Variants in CCDC7 observed in about 807,000 individuals in gnomAD.
The protein encoded by CCDC7 is coiled-coil domain-containing protein 7.
Under a neutral mutation model 196.9 loss-of-function variants are expected in CCDC7, and 183 were observed. That is an observed-to-expected ratio of 0.93 (90% CI 0.82 to 1.05). The LOEUF (loss-of-function observed/expected upper bound fraction) is 1.05. Among genes scored for constraint, CCDC7 ranks in the 50% least tolerant of loss-of-function variants. The pLI, the probability that CCDC7 is intolerant of heterozygous loss-of-function variation, is 0.00. For missense variants in CCDC7, 1,540 were observed against 1,482.2 expected, an observed-to-expected ratio of 1.04 and a Z score of -0.64; for synonymous variants, 525 against 484.6, an observed-to-expected ratio of 1.08 and a Z score of -1.10.
rs1230972639 is a variant in CCDC7, at chr10:32,682,061, T to G, written c.2123-3909T>G. Reference sequence around the variant, plus strand: ...TAGGTTCAAGTGGTACACTTGCAGGTTTATTACATGGCTATATTGTGTATT... The same window carrying G: ...TAGGTTCAAGTGGTACACTTGCAGGGTTATTACATGGCTATATTGTGTATT... On this transcript the variant is annotated intron_variant, in intron 21 of 41. Transcript: ENST00000639629. Among the ~76,000 whole-genome samples the G allele has an allele frequency of 2.6e-5, 4 of 152,126 alleles. No homozygotes were observed. The South Asian group carries it at 8.3e-4, about 32-fold the overall frequency.
rs550567160 is a variant in CCDC7, at chr10:32,517,054, C to T, written c.873-891C>T. 2.0e-5 allele frequency among the ~76,000 whole-genome samples: 3 copies of T among 152,268 alleles called. 1 individual carries two copies. The Middle Eastern group carries it at 0.01, about 518-fold the overall frequency. Reference sequence around the variant, plus strand: ...CATACTGTGGAACAATGTCACCAAACTGTGTCAGCAAACTGTGGAACAATG... The same window carrying T: ...CATACTGTGGAACAATGTCACCAAATTGTGTCAGCAAACTGTGGAACAATG... On this transcript the variant is annotated intron_variant, in intron 9 of 41. Coordinates refer to ENST00000639629, the Ensembl canonical transcript of CCDC7.
intron 25 of CCDC7, among the ~76,000 whole-genome samples, chr10:32,716,594 C>T (rs2081615994): frequency 6.6e-6 from 1 of 152,184 alleles, no homozygotes; most frequent in Non-Finnish European, 1.5e-5. Context: ...TTAAAAGACA[C>T]AGACTGGCAA....
At chr10:32,471,288 G>A in intron 6 of CCDC7, 58 bp downstream of exon 7, 2 of 1,554,648 alleles carry the variant, frequency 1.3e-6, no homozygotes, top group African/African-American at 1.4e-5. Context: ...TATATAATTA[G>A]CACTGAATGT....
intron 33 of CCDC7, among the ~76,000 whole-genome samples, chr10:32,835,950 G>C (rs2092567746): frequency 6.6e-6 from 1 of 152,124 alleles, no homozygotes; most frequent in Non-Finnish European, 1.5e-5. Context: ...AATGTGATAA[G>C]AAGAGGAGTA....
intron 18 of CCDC7, among the ~76,000 whole-genome samples, chr10:32,592,475 A>G (rs1329351658): frequency 6.6e-6 from 1 of 151,550 alleles, no homozygotes; most frequent in Non-Finnish European, 1.5e-5. Context: ...TCTAAATTTC[A>G]TTTTTTTGTA....
intron 20 of CCDC7, 91 bp from the exon 22 acceptor site, chr10:32,663,959 GAGAC>G: frequency 2.7e-6 from 1 of 366,154 alleles, no homozygotes; most frequent in Admixed American, 5.1e-5. Flanking sequence ...GTATAAAAAT[GAGAC>G]AGAATATGGC....
intron 31 of CCDC7, among the ~76,000 whole-genome samples, chr10:32,816,559 C>T (rs555359899): frequency 4.6e-5 from 7 of 152,298 alleles, no homozygotes; most frequent in Non-Finnish European, 8.8e-5. Flanking sequence ...TCCTGACCCT[C>T]GAGTAGCCTA....
At chr10:32,880,252 T>A (rs1457257255), downstream of CCDC7, among the ~76,000 whole-genome samples, 2 of 152,276 alleles carry the variant, frequency 1.3e-5, no homozygotes, top group East Asian at 1.9e-4. Context: ...TTCTGACTGG[T>A]GTGAGATGGT....
At chr10:32,765,367 C>T (rs1486893741) in intron 28 of CCDC7, among the ~76,000 whole-genome samples, 2 of 151,930 alleles carry the variant, frequency 1.3e-5, no homozygotes, top group Non-Finnish European at 2.9e-5. Flanking sequence ...CTATGGAGGG[C>T]AAGTGATCAA....
chr10:32,773,787 G>A (rs776938979), intron 28 of CCDC7, among the ~76,000 whole-genome samples: 1 of 152,000 alleles, frequency 6.6e-6, no homozygotes, highest in African/African-American at 2.4e-5. Context: ...AGCTTTTGCA[G>A]GTGTTTTTGA....
At chr10:32,718,639 A>C (rs2081970340) in intron 25 of CCDC7, among the ~76,000 whole-genome samples, 1 of 152,220 alleles carries the variant, frequency 6.6e-6, no homozygotes, top group Non-Finnish European at 1.5e-5. Context: ...GTCTCAGCCC[A>C]AAATCTCCTT....
intron 41 of CCDC7, among the ~76,000 whole-genome samples, chr10:32,874,730 A>G (rs1464922732): frequency 5.5e-5 from 8 of 145,026 alleles, no homozygotes; most frequent in African/African-American, 2.0e-4. Context: ...ACTTTTATAT[A>G]TATACACACA....
intron 11 of CCDC7, among the ~76,000 whole-genome samples, chr10:32,536,673 C>G (rs190887587): frequency 6.6e-6 from 1 of 152,248 alleles, no homozygotes; most frequent in Admixed American, 6.5e-5. Context: ...CCACTCTCCA[C>G]TCTCAAGTAG....
intron 11 of CCDC7, among the ~76,000 whole-genome samples, chr10:32,532,903 T>C (rs189850355): frequency 6.6e-6 from 1 of 152,180 alleles, no homozygotes; most frequent in African/African-American, 2.4e-5. Flanking sequence ...TCTTGTTTCT[T>C]TACTCATTCA....
chr10:32,557,032 T>A (rs985967454), intron 13 of CCDC7, among the ~76,000 whole-genome samples: 1 of 152,228 alleles, frequency 6.6e-6, no homozygotes, highest in South Asian at 2.1e-4. Context: ...TTTGTTCCCA[T>A]TATCACGTGC....
At chr10:32,707,096 G>T (rs531205232) in intron 24 of CCDC7, among the ~76,000 whole-genome samples, 51 of 152,312 alleles carry the variant, frequency 3.3e-4, no homozygotes, top group African/African-American at 1.1e-3. Context: ...ACAGAATCCA[G>T]CAGGGTATCA....
intron 20 of CCDC7, among the ~76,000 whole-genome samples, chr10:32,637,490 C>G (rs2065868534): frequency 1.3e-5 from 2 of 152,182 alleles, no homozygotes; most frequent in Admixed American, 1.3e-4. Flanking sequence ...CTAGGGAATC[C>G]TTTCCCCATT....
chr10:32,703,624 C>T (rs1367876657), intron 24 of CCDC7, among the ~76,000 whole-genome samples: 2 of 152,088 alleles, frequency 1.3e-5, no homozygotes, highest in African/African-American at 2.4e-5. Flanking sequence ...CAACTTGGTT[C>T]CATTCACCCC....
At position 32,456,205 on chromosome 10, in the gene CCDC7, A is replaced by T. The variant is rs369861851; in HGVS notation, c.373-46A>T. 1.5e-3 allele frequency: 2,123 copies of T among 1,450,682 alleles called. 1 individual carries two copies. Among genetic ancestry groups the T allele is most frequent in the Non-Finnish European group, 1.8e-3 (1,915 of 1,083,452 alleles). The allele number at this position is 1,450,682 out of a possible 1,614,324, so 89.9% of individuals were successfully genotyped here. ...ATGCTAGAAAAAGACAGACATGCAT[A>T]TGGATTCTTAAATGTAACTTTATGT... On this transcript the variant is annotated intron_variant, in intron 2 of 41. Coordinates refer to ENST00000639629, the Ensembl canonical transcript of CCDC7.
Sources: allele counts gnomAD v4.1 joint callset (sites outside exome capture counted in the v4.1 genomes callset), GRCh38; gene constraint gnomAD v4.1.1; transcripts MANE v1.5; gene names NCBI Gene and HGNC (gene_info 2026-07-23, HGNC 2026-07-21).